RGS22: variants seen among roughly 807,000 people sequenced by gnomAD.
RGS22 encodes regulator of G-protein signaling 22.
In RGS22, 148 loss-of-function variants were observed where a neutral mutation model predicts 172.9. That is an observed-to-expected ratio of 0.86 (90% CI 0.75 to 0.98). The LOEUF (loss-of-function observed/expected upper bound fraction) is 0.98, where lower values mean the gene tolerates loss of function less well. RGS22 is among the 50% of genes least tolerant of loss of function. The probability of loss-of-function intolerance (pLI) is 0.00; values close to 1 mark genes in which losing one functional copy is unlikely to be tolerated. For missense variants in RGS22, 1,347 were observed against 1,440.8 expected, an observed-to-expected ratio of 0.93 and a Z score of 1.05; for synonymous variants, 458 against 480.2, an observed-to-expected ratio of 0.95 and a Z score of 0.60.
intron 16 of RGS22, chr8:100,004,672 T>C (rs1234259979): frequency 1.3e-5 from 2 of 151,840 alleles, no homozygotes; most frequent in Non-Finnish European, 2.9e-5. Flanking sequence ...GATAGGATTA[T>C]GCACCTATTT....
In RGS22 at chr8:99,965,445, A is replaced by G. The variant is rs759843269; in HGVS notation, c.3520-15T>C. 8 of 1,523,536 alleles carry G rather than the reference A, an allele frequency of 5.3e-6. No homozygotes were observed. The highest frequency in any genetic ancestry group is 5.4e-6 in the Non-Finnish European group (6 of 1,108,524). The allele number at this position is 1,523,536 out of a possible 1,614,324, so 94.4% of individuals were successfully genotyped here. On this transcript the variant is annotated splice_polypyrimidine_tract_variant and intron_variant, in intron 23 of 27. Transcript: ENST00000360863. The stretch of plus-strand genomic sequence containing the variant: ...TTGATTCCATCCTGTAATTATATTA[A>G]ATTAAATTATTACCCAGAAAAGATA...
intron 18 of RGS22, among the ~76,000 whole-genome samples, chr8:100,000,036 A>C (rs1814861795): frequency 6.6e-6 from 1 of 152,202 alleles, no homozygotes; most frequent in South Asian, 2.1e-4. Flanking sequence ...GAAACAGAAA[A>C]AGGTCATGTT....
At chr8:100,014,791 C>G (rs1416300022) in intron 14 of RGS22, among the ~76,000 whole-genome samples, 3 of 152,148 alleles carry the variant, frequency 2.0e-5, no homozygotes, top group African/African-American at 7.2e-5. Flanking sequence ...TTTTTGTACT[C>G]TGCACTCTAT....
intron 14 of RGS22, among the ~76,000 whole-genome samples, chr8:100,017,003 T>G: frequency 7.7e-6 from 1 of 130,516 alleles, no homozygotes; most frequent in Middle Eastern, 4.0e-3. Context: ...TTTTTTTTTT[T>G]TTTTTTTTTT....
rs1312819816 is a variant in RGS22 at position 100,006,125 on chromosome 8, A to C, written c.2362-16T>G. On this transcript the variant is annotated splice_polypyrimidine_tract_variant and intron_variant, in intron 15 of 27. Coordinates refer to ENST00000360863, the MANE Select transcript of RGS22 (RefSeq NM_015668.5). ...CCAGCTCCACCTAAAAAAAATAAAT[A>C]AAGCTTGTGACATCAAGAGAATGTA... 1 of 1,598,792 alleles carries C rather than the reference A, an allele frequency of 6.3e-7. No homozygotes were observed. The highest frequency in any genetic ancestry group is 8.6e-7 in the Non-Finnish European group (1 of 1,168,968).
chr8:100,050,495 T>C (rs982057711), intron 10 of RGS22, among the ~76,000 whole-genome samples: 2 of 152,190 alleles, frequency 1.3e-5, no homozygotes, highest in African/African-American at 4.8e-5. Flanking sequence ...AGTAAAACTT[T>C]AAAAACCACA....
At chr8:100,012,098 A>ATT (rs1238051424) in intron 14 of RGS22, among the ~76,000 whole-genome samples, 53 of 151,124 alleles carry the variant, frequency 3.5e-4, no homozygotes, top group Admixed American at 2.6e-3. Flanking sequence ...AATAATATAT[A>ATT]TTATATATAT....
At position 100,038,913 on chromosome 8, in the gene RGS22, AT is replaced by A; in HGVS notation, c.2166+17del. On this transcript the variant is annotated intron_variant, in intron 14 of 27. Coordinates refer to ENST00000360863, the MANE Select transcript of RGS22 (RefSeq NM_015668.5). ...GTACTTAGTGCTTCACATTGAACCA[AT>A]ATTATTTACTACGTACTTGCGCTTG... 6.5e-7 allele frequency: 1 copy of A among 1,531,422 alleles called. No individual in the cohort carries two copies. The highest frequency in any genetic ancestry group is 9.0e-7 in the Non-Finnish European group (1 of 1,110,306). The allele number at this position is 1,531,422 out of a possible 1,614,324, so 94.9% of individuals were successfully genotyped here. A position where few individuals can be genotyped will look rare whatever the true frequency, so the allele number is the denominator to read the frequency against.
At chr8:100,065,537 T>G (rs1336798446) in intron 7 of RGS22, among the ~76,000 whole-genome samples, 2 of 152,190 alleles carry the variant, frequency 1.3e-5, no homozygotes, top group African/African-American at 2.4e-5. Context: ...AATTCCTGGG[T>G]TCTTCTTCTG....
chr8:100,105,929 C>G lies in RGS22; in HGVS notation c.-8G>C. The G allele has an allele frequency of 6.7e-7, 1 of 1,483,996 alleles. No homozygotes were observed. The highest frequency in any genetic ancestry group is 2.4e-5 in the Admixed American group (1 of 42,004). The allele number at this position is 1,483,996 out of a possible 1,614,324, so 91.9% of individuals were successfully genotyped here. A position where few individuals can be genotyped will look rare whatever the true frequency, so the allele number is the denominator to read the frequency against. On this transcript the variant is annotated 5_prime_UTR_variant, in exon 1 of 28. Coordinates refer to ENST00000360863, the MANE Select transcript of RGS22 (RefSeq NM_015668.5). ...GAGCCTCTTCTCGGGCATGCCGTCC[C>G]CGCTGCCCGCGCCTGGAGCCCGCGC... is the stretch of plus-strand genomic sequence containing the variant.
At chr8:100,038,421 CA>C (rs1819733323) in intron 14 of RGS22, 1 of 152,168 alleles carries the variant, frequency 6.6e-6, no homozygotes, top group Admixed American at 6.5e-5. Flanking sequence ...TCTCCTATGA[CA>C]TGTAGAACAG....
chr8:100,081,547 G>A (rs1811761008), intron 3 of RGS22, among the ~76,000 whole-genome samples: 3 of 151,996 alleles, frequency 2.0e-5, no homozygotes, highest in Admixed American at 6.6e-5. Context: ...ATTGCTCAAT[G>A]AGTAAGAAAG....
Position 100,084,197 on chromosome 8 carries a change from C to T in RGS22, c.118-3842G>A, listed in dbSNP as rs549326678. 2.0e-5 allele frequency among the ~76,000 whole-genome samples: 3 copies of T among 152,258 alleles called. No individual in the cohort carries two copies. In the South Asian group the frequency reaches 6.2e-4, roughly 32 times the overall value. ...GGACTGGCTCACTCAGAATCCATTC[C>T]AACCTCCTAAAATGCAAAGCCTGGA... On this transcript the variant is annotated intron_variant, in intron 3 of 27. Transcript: ENST00000360863.
At chr8:100,031,574 C>G (rs553438877) in intron 14 of RGS22, among the ~76,000 whole-genome samples, 2 of 150,928 alleles carry the variant, frequency 1.3e-5, no homozygotes, top group East Asian at 1.9e-4. Flanking sequence ...AAATTTGGTG[C>G]GTGTGTGTGT....
chr8:100,073,620 C>T (rs1409600703), intron 4 of RGS22, among the ~76,000 whole-genome samples: 2 of 152,168 alleles, frequency 1.3e-5, no homozygotes, highest in Admixed American at 1.3e-4. Context: ...GCATAGGCTA[C>T]ACACTGACAA....
chr8:100,047,743 C>A (rs1213665685), intron 10 of RGS22, 147 bp from the exon 11 acceptor site: 2 of 605,910 alleles, frequency 3.3e-6, no homozygotes, highest in Non-Finnish European at 4.9e-6. Flanking sequence ...GAAATTTTTT[C>A]TTTCTCCAAC....
intron 20 of RGS22, among the ~76,000 whole-genome samples, chr8:99,989,861 C>CAGATAGATAGATAGAT (rs58327517): frequency 1.1e-4 from 16 of 146,448 alleles, no homozygotes; most frequent in East Asian, 4.1e-4. Context: ...GATAGACAGA[C>CAGATAGATAGATAGAT]AGATAGATAG....
chr8:99,989,313 T>C (rs1813432551), intron 20 of RGS22, among the ~76,000 whole-genome samples: 1 of 152,194 alleles, frequency 6.6e-6, no homozygotes, highest in Non-Finnish European at 1.5e-5. Flanking sequence ...TTATCATGCT[T>C]GTTACAAAGT....
chr8:99,999,209 A>G, intron 19 of RGS22, 53 bp downstream of exon 19: 1 of 1,512,476 alleles, frequency 6.6e-7, no homozygotes, highest in Admixed American at 2.0e-5. Flanking sequence ...GTACATTTGA[A>G]GTTTTCAGAG....
Sources: allele counts gnomAD v4.1 joint callset (sites outside exome capture counted in the v4.1 genomes callset), GRCh38; gene constraint gnomAD v4.1.1; transcripts MANE v1.5; gene names NCBI Gene and HGNC (gene_info 2026-07-23, HGNC 2026-07-21).